NR1D2: variants seen among roughly 807,000 people sequenced by gnomAD.
The protein encoded by NR1D2 is V-erbA-related protein 1-related.
A neutral mutation model predicts 52.2 loss-of-function variants in NR1D2; 25 were observed. The observed-to-expected ratio is 0.48, with a 90% CI of 0.35 to 0.67. The LOEUF (loss-of-function observed/expected upper bound fraction) is 0.67, where lower values mean the gene tolerates loss of function less well. NR1D2 is among the 30% of genes least tolerant of loss of function. The pLI is 0.01. For synonymous variants in NR1D2, 259 were observed against 230.1 expected (o/e 1.13, Z -1.14); for missense variants, 681 against 707.2 (o/e 0.96, Z 0.42).
Position 23,959,689 on chromosome 3 carries a change from A to T in NR1D2, c.391A>T (p.Ile131Phe). 1 of 1,611,214 alleles carries T rather than the reference A, an allele frequency of 6.2e-7. No homozygotes were observed. The highest frequency in any genetic ancestry group is 8.5e-7 in the Non-Finnish European group (1 of 1,179,288). Residue 131 changes from isoleucine (I) to phenylalanine (F), a missense_variant, in exon 4 of 8, where the codon ATT becomes TTT. Ile to Phe is a conservative substitution (Grantham distance 21, BLOSUM62 0). Transcript: ENST00000312521. ...TTCTTAGGGTTTCTTTCGGAGAAGTATTCAACAAAACATCCAGTACAAGAA... is the reference window on the plus strand; with the variant it reads ...TTCTTAGGGTTTCTTTCGGAGAAGTTTTCAACAAAACATCCAGTACAAGAA... ...EGCKGFFRRSIQQNIQYKKCL... is the reference protein window; with the variant it reads ...EGCKGFFRRSFQQNIQYKKCL...
In NR1D2 at chr3:23,962,090, A is replaced by C. The variant is rs765625240; in HGVS notation, c.631A>C (p.Thr211Pro). 4 of 1,614,212 alleles carry C rather than the reference A, an allele frequency of 2.5e-6. No homozygotes were observed. Among genetic ancestry groups the C allele is most frequent in the Middle Eastern group, 1.6e-4 (1 of 6,062 alleles). ...SQFSGHLQND[T>P]LVEHHEQTAL... ...GTTCAGTGGTCACTTGCAAAATGAC[A>C]CATTAGTAGAACATCATGAACAGAC... The change falls in exon 5 of 8, where the codon ACA becomes CCA. Residue 211 changes from threonine (T) to proline (P), a missense_variant. Around this residue, in one of 3 missense-constraint regions of NR1D2, gnomAD observed 475 missense variants for 454.5 expected, o/e 1.05. Transcript: ENST00000312521.
chr3:23,960,649 C>T (rs1417418263), intron 4 of NR1D2, among the ~76,000 whole-genome samples: 2 of 152,086 alleles, frequency 1.3e-5, no homozygotes, highest in East Asian at 3.9e-4. Context: ...TTTTGAGTAA[C>T]AGATTTCAGC....
chr3:23,953,736 C>T lies in NR1D2; in HGVS notation c.17-801C>T, dbSNP rs559667619. Among the ~76,000 whole-genome samples, 3 of 152,302 alleles carry T rather than the reference C, an allele frequency of 2.0e-5. No homozygotes were observed. In the South Asian group the frequency reaches 6.2e-4, roughly 32 times the overall value. ...ACCTTATCTACCATTCTAAATGTTA[C>T]ATCTGTTCTGGATTAACCTGTGCTT... On this transcript the variant is annotated intron_variant, in intron 1 of 7. Transcript: ENST00000312521.
At chr3:23,951,349 G>A (rs1165819666) in intron 1 of NR1D2, among the ~76,000 whole-genome samples, 1 of 152,172 alleles carries the variant, frequency 6.6e-6, no homozygotes, top group African/African-American at 2.4e-5. Flanking sequence ...TGAGATGTTA[G>A]ATGTGAATTT....
intron 7 of NR1D2, among the ~76,000 whole-genome samples, chr3:23,969,350 A>T (rs957585925): frequency 6.6e-5 from 10 of 152,142 alleles, no homozygotes; most frequent in African/African-American, 2.4e-4. Flanking sequence ...GAGGACCTGT[A>T]CCTCAGTGGA....
chr3:23,977,537 G>A lies in NR1D2; in HGVS notation c.*118G>A. Reference sequence around the variant, plus strand: ...AAGACCTTTAAGACAATAAAAGATTGTAGGCTATCTCTGTAATCATGCAAT... The same window carrying A: ...AAGACCTTTAAGACAATAAAAGATTATAGGCTATCTCTGTAATCATGCAAT... On this transcript the variant is annotated 3_prime_UTR_variant, in exon 8 of 8. Coordinates refer to ENST00000312521, the MANE Select transcript of NR1D2 (RefSeq NM_005126.5). 1 of 607,146 alleles carries A rather than the reference G, an allele frequency of 1.6e-6. No individual in the cohort carries two copies. The highest frequency in any genetic ancestry group is 2.6e-6 in the Non-Finnish European group (1 of 378,026). The allele number at this position is 607,146 out of a possible 1,614,324, so 37.6% of individuals were successfully genotyped here.
chr3:23,968,942 C>T (rs779681998), intron 7 of NR1D2, among the ~76,000 whole-genome samples: 6 of 152,132 alleles, frequency 3.9e-5, no homozygotes, highest in South Asian at 2.1e-4. Context: ...TTATAAGTTA[C>T]GGCCTCTGAT....
At chr3:23,946,272 C>G (rs1247650452) in intron 1 of NR1D2, 4 of 985,390 alleles carry the variant, frequency 4.1e-6, no homozygotes, top group African/African-American at 1.7e-5. Context: ...AAGGCGCGGA[C>G]CCCGCGCAAA....
Position 23,963,608 on chromosome 3 carries a change from C to T in NR1D2, c.1146+1003C>T, listed in dbSNP as rs145029142. On this transcript the variant is annotated intron_variant, in intron 5 of 7. Transcript: ENST00000312521. ...GGGATTACAGGCATGCATCACCATG[C>T]CTGGCTAATTTTTGTATTTTCAGTA... Among the ~76,000 whole-genome samples the T allele has an allele frequency of 4.7e-3, 720 of 152,246 alleles. 7 individuals carry two copies. The highest frequency in any genetic ancestry group is 0.016 in the African/African-American group (652 of 41,550).
At chr3:23,963,158 CTT>C in intron 5 of NR1D2, 2 of 689,238 alleles carry the variant, frequency 2.9e-6, no homozygotes, top group Non-Finnish European at 2.3e-6. Flanking sequence ...TATGAGATGA[CTT>C]AATGTTGGTC....
rs1706838643 is a variant in NR1D2 at position 23,980,129 on chromosome 3, T to G, written c.*2710T>G. On this transcript the variant is annotated 3_prime_UTR_variant, in exon 8 of 8. Transcript: ENST00000312521. ...AATTTCAGTGGATTAAGTGTATAGC[T>G]TTCATATCTACATTTCAAGAAATTA... 6.6e-6 allele frequency: 1 copy of G among 152,170 alleles called. No homozygotes were observed. Among genetic ancestry groups the G allele is most frequent in the African/African-American group, 2.4e-5 (1 of 41,444 alleles). 9.4% of individuals were successfully genotyped at this position (152,170 alleles called of 1,614,324 possible). A position where few individuals can be genotyped will look rare whatever the true frequency, so the allele number is the denominator to read the frequency against.
intron 4 of NR1D2, among the ~76,000 whole-genome samples, chr3:23,960,351 G>C (rs1474902269): frequency 6.6e-6 from 1 of 152,222 alleles, no homozygotes; most frequent in African/African-American, 2.4e-5. Context: ...GTTGCACTGA[G>C]TTGAGATCGT....
chr3:23,967,856 G>GT lies in NR1D2; in HGVS notation c.1377dup (p.Thr460TyrfsTer11). Reference sequence around the variant, plus strand: ...GCATCATTATTTGATGCAAAGGAACGTACTGTCACCTTTTTAAGTGGAAAG... The same window carrying GT: ...GCATCATTATTTGATGCAAAGGAACGTTACTGTCACCTTTTTAAGTGGAAAG... On this transcript the variant is annotated frameshift_variant, in exon 7 of 8. Transcript: ENST00000312521. LOFTEE classifies it high-confidence loss of function. 1 of 1,613,952 alleles carries GT rather than the reference G, an allele frequency of 6.2e-7. No individual in the cohort carries two copies. The highest frequency in any genetic ancestry group is 8.5e-7 in the Non-Finnish European group (1 of 1,179,972).
chr3:23,976,958 CTA>C (rs751459285), intron 7 of NR1D2, among the ~76,000 whole-genome samples: 22 of 151,996 alleles, frequency 1.4e-4, no homozygotes, highest in Non-Finnish European at 2.4e-4. Context: ...GTCAGAACCT[CTA>C]TGTTCTTGTG....
intron 3 of NR1D2, among the ~76,000 whole-genome samples, chr3:23,959,243 A>G (rs1329967173): frequency 2.0e-5 from 3 of 151,082 alleles, no homozygotes; most frequent in Non-Finnish European, 4.4e-5. Flanking sequence ...TAGCCTGGGC[A>G]ACAGAACGAG....
intron 1 of NR1D2, 26 bp downstream of exon 1, chr3:23,945,620 G>T: frequency 2.6e-6 from 3 of 1,175,836 alleles, no homozygotes; most frequent in Non-Finnish European, 3.2e-6. Context: ...CGGCGGGTGG[G>T]GGATGGCCGG....
intron 1 of NR1D2, among the ~76,000 whole-genome samples, chr3:23,950,902 C>CTTTTTTTT (rs1181448290): frequency 3.2e-5 from 4 of 123,106 alleles, no homozygotes; most frequent in Non-Finnish European, 6.6e-5. Context: ...CTTTCTTTTT[C>CTTTTTTTT]TTTTTTTTTT....
chr3:23,946,208 G>T, intron 1 of NR1D2: 1 of 985,426 alleles, frequency 1.0e-6, no homozygotes, highest in Non-Finnish European at 1.2e-6. Flanking sequence ...CCCGAAGCGG[G>T]CGCTGACACC....
At chr3:23,967,789 A>G (rs774077092) in intron 6 of NR1D2, 24 bp from the exon 7 acceptor site, 5 of 1,587,470 alleles carry the variant, frequency 3.1e-6, no homozygotes, top group Non-Finnish European at 4.3e-6. Flanking sequence ...ACTTCTCCAA[A>G]TACATTTCTT....
Sources: allele counts gnomAD v4.1 joint callset (sites outside exome capture counted in the v4.1 genomes callset), GRCh38; gene constraint gnomAD v4.1.1; regional missense constraint gnomAD v4.1.1; transcripts MANE v1.5; gene names NCBI Gene and HGNC (gene_info 2026-07-23, HGNC 2026-07-21).